The following TNRC6B variants were observed in gnomAD, a reference collection of about 807,000 sequenced individuals.
The protein encoded by TNRC6B is trinucleotide repeat-containing gene 6B protein.
TNRC6B carries 52 observed loss-of-function variants against 203.6 expected under a neutral mutation model. That is an observed-to-expected ratio of 0.26 (90% CI 0.20 to 0.32). The LOEUF (loss-of-function observed/expected upper bound fraction) is 0.32, where lower values mean the gene tolerates loss of function less well. Ranked by LOEUF, TNRC6B falls within the 10% of genes least tolerant of loss-of-function variation. The pLI is 1.00. For synonymous variants in TNRC6B, 838 were observed against 845.7 expected, an observed-to-expected ratio of 0.99 and a Z score of 0.16; for missense variants, 1,923 against 2,286.2, an observed-to-expected ratio of 0.84 and a Z score of 3.24.
intron 4 of TNRC6B, among the ~76,000 whole-genome samples, chr22:40,158,559 G>A (rs1225100488): frequency 1.3e-5 from 2 of 152,164 alleles, no homozygotes; most frequent in East Asian, 3.8e-4. Context: ...TTCAGGAAAT[G>A]TTGCTGGGCA....
intron 12 of TNRC6B, among the ~76,000 whole-genome samples, chr22:40,292,482 G>T (rs2070882076): frequency 6.6e-6 from 1 of 152,128 alleles, no homozygotes; most frequent in Non-Finnish European, 1.5e-5. Flanking sequence ...ACATATTCCA[G>T]CAGGCTTTTG....
At chr22:40,064,597 G>A (rs1017562803) in intron 1 of TNRC6B, among the ~76,000 whole-genome samples, 8 of 151,354 alleles carry the variant, frequency 5.3e-5, no homozygotes, top group Non-Finnish European at 8.8e-5. Context: ...ATCCCACATG[G>A]TGATGGTGTA....
rs2146499338 is a variant in TNRC6B, at chr22:40,265,471, C to G, written c.1241C>G (p.Thr414Ser). Residue 414 changes from threonine (T) to serine (S), a missense_variant, in exon 5 of 23, where the codon ACT (threonine) becomes AGT (serine). Physicochemically the swap from Thr to Ser is moderately conservative, Grantham distance 58. Around this residue, in one of 8 missense-constraint regions of TNRC6B, gnomAD observed 614 missense variants for 587.7 expected, o/e 1.04. Coordinates refer to ENST00000454349, the MANE Select transcript of TNRC6B (RefSeq NM_001162501.2). ...SRSTDAPSQS[T>S]GDRKTGSVGS... ...AGCACTGATGCCCCTTCACAAAGCA[C>G]TGGAGATCGAAAGACTGGGAGTGTT... 6.2e-7 allele frequency: 1 copy of G among 1,613,942 alleles called. No homozygotes were observed. The highest frequency in any genetic ancestry group is 1.7e-5 in the Admixed American group (1 of 60,012).
At chr22:40,210,302 G>T (rs929739180) in intron 1 of TNRC6B, among the ~76,000 whole-genome samples, 1 of 152,340 alleles carries the variant, frequency 6.6e-6, no homozygotes, top group East Asian at 1.9e-4. Flanking sequence ...AAAAGCTGTT[G>T]TCTCTCAGAT....
upstream of TNRC6B, among the ~76,000 whole-genome samples, chr22:40,174,651 C>T (rs578084259): frequency 1.6e-3 from 248 of 151,996 alleles, no homozygotes; most frequent in African/African-American, 5.7e-3. Context: ...AGTGAAACCC[C>T]GTCTCTACTA....
intron 1 of TNRC6B, among the ~76,000 whole-genome samples, chr22:40,216,971 C>T (rs1423066971): frequency 6.6e-6 from 1 of 152,162 alleles, no homozygotes; most frequent in East Asian, 1.9e-4. Flanking sequence ...GAACCCACAG[C>T]GCACAGGTAT....
chr22:40,178,112 T>G lies in TNRC6B; in HGVS notation c.-24T>G, dbSNP rs755280871. 2 of 1,611,884 alleles carry G rather than the reference T, an allele frequency of 1.2e-6. No individual in the cohort carries two copies. On this transcript the variant is annotated 5_prime_UTR_variant, in exon 1 of 23. Transcript: ENST00000454349. Reference sequence around the variant, plus strand: ...TTCTACCTTGTATGCCTCAATTTGCTGGATTTAAGCACTGCTGCACTTTAT... The same window carrying G: ...TTCTACCTTGTATGCCTCAATTTGCGGGATTTAAGCACTGCTGCACTTTAT...
intron 12 of TNRC6B, among the ~76,000 whole-genome samples, chr22:40,299,881 G>C (rs1427261769): frequency 6.6e-6 from 1 of 152,186 alleles, no homozygotes; most frequent in African/African-American, 2.4e-5. Context: ...CTGCAGCCTC[G>C]CCTAGCTCAC....
At position 40,270,110 on chromosome 22, in the gene TNRC6B, CT is replaced by C; in HGVS notation, c.2807-9del. On this transcript the variant is annotated splice_polypyrimidine_tract_variant and intron_variant, in intron 5 of 22. Transcript: ENST00000454349. The stretch of plus-strand genomic sequence containing the variant: ...AACAAATGATTCTTAGAGACATTTC[CT>C]TTCTTTATAGTCTGGAGCAAAAGCA... 6.3e-7 allele frequency: 1 copy of C among 1,575,714 alleles called. No individual in the cohort carries two copies. Among genetic ancestry groups the C allele is most frequent in the Non-Finnish European group, 8.6e-7 (1 of 1,159,786 alleles).
intron 1 of TNRC6B, among the ~76,000 whole-genome samples, chr22:40,195,299 G>A (rs960944864): frequency 6.6e-6 from 1 of 152,162 alleles, no homozygotes; most frequent in East Asian, 1.9e-4. Flanking sequence ...AAAATATAGA[G>A]CAAATAGATC....
At chr22:40,195,829 G>A (rs1015202676) in intron 1 of TNRC6B, among the ~76,000 whole-genome samples, 2 of 152,192 alleles carry the variant, frequency 1.3e-5, no homozygotes, top group African/African-American at 4.8e-5. Context: ...GAGTGCAGTG[G>A]CGCAATATCA....
intron 1 of TNRC6B, among the ~76,000 whole-genome samples, chr22:40,185,547 G>A (rs2069189883): frequency 6.6e-6 from 1 of 152,144 alleles, no homozygotes; most frequent in Admixed American, 6.5e-5. Flanking sequence ...CTACAGATTG[G>A]GCAGAATGGT....
At chr22:40,103,947 C>CT (rs1409495158) in intron 1 of TNRC6B, among the ~76,000 whole-genome samples, 3 of 149,698 alleles carry the variant, frequency 2.0e-5, no homozygotes, top group Non-Finnish European at 4.5e-5. Flanking sequence ...CCAGCCAAGT[C>CT]TATCTTTTAA....
At position 40,315,459 on chromosome 22, in the gene TNRC6B, C is replaced by T; in HGVS notation, c.4855C>T (p.Pro1619Ser). The T allele has an allele frequency of 6.2e-7, 1 of 1,614,026 alleles. No individual in the cohort carries two copies. Among genetic ancestry groups the T allele is most frequent in the African/African-American group, 1.3e-5 (1 of 75,050 alleles). The part of the protein sequence containing the change: ...KPSSPWSSTA[P>S]RSVRGWGTQD... The stretch of plus-strand genomic sequence containing the variant: ...ATCATCTCCCTGGAGCAGCACAGCA[C>T]CCCGATCAGTCAGGGGGTGGGGGAC... Residue 1619 changes from proline to serine, a missense_variant, in exon 20 of 23, where the codon CCC becomes TCC. Around this residue, in one of 8 missense-constraint regions of TNRC6B, gnomAD observed 159 missense variants for 181.0 expected, o/e 0.88. Transcript: ENST00000454349.
intron 1 of TNRC6B, among the ~76,000 whole-genome samples, chr22:40,087,158 A>AT (rs1421626986): frequency 6.6e-6 from 1 of 151,028 alleles, no homozygotes; most frequent in Non-Finnish European, 1.5e-5. Context: ...TATTTTTATC[A>AT]TAAAAACTCA....
At chr22:40,273,073 A>G (rs1461013972) in intron 6 of TNRC6B, among the ~76,000 whole-genome samples, 1 of 152,242 alleles carries the variant, frequency 6.6e-6, no homozygotes. Flanking sequence ...AACCATGTTC[A>G]TTAAGAGGAA....
At chr22:40,053,500 C>T (rs974125730) in intron 1 of TNRC6B, among the ~76,000 whole-genome samples, 2 of 152,112 alleles carry the variant, frequency 1.3e-5, no homozygotes, top group African/African-American at 2.4e-5. Flanking sequence ...ACCCCTTTAA[C>T]ACACAGGTGA....
chr22:40,152,481 C>T (rs2068767220), intron 3 of TNRC6B, among the ~76,000 whole-genome samples: 1 of 152,168 alleles, frequency 6.6e-6, no homozygotes, highest in Admixed American at 6.5e-5. Context: ...TGCCCACCAC[C>T]ACGCCCGGCT....
At chr22:40,212,329 C>T (rs1212262284) in intron 1 of TNRC6B, among the ~76,000 whole-genome samples, 2 of 152,256 alleles carry the variant, frequency 1.3e-5, no homozygotes, top group East Asian at 1.9e-4. Context: ...CTTTAGCTGA[C>T]GCCTGTTCAG....
Sources: gnomAD v4.1 joint callset for allele counts (sites outside exome capture counted in the v4.1 genomes callset) on GRCh38, gnomAD v4.1.1 for gene constraint, gnomAD v4.1.1 regional missense constraint, MANE v1.5 for transcripts, NCBI Gene and HGNC (gene_info 2026-07-23, HGNC 2026-07-21) for gene names.